Variants in MYO9B observed in about 807,000 individuals in gnomAD.
The protein encoded by MYO9B is myosin IXB.
In MYO9B, 71 loss-of-function variants were observed where a neutral mutation model predicts 229.5. The ratio of observed to expected loss-of-function variants is 0.31; its 90% CI spans 0.26 to 0.38. The LOEUF is 0.38. Ranked by LOEUF, MYO9B falls within the 10% of genes least tolerant of loss-of-function variation. The pLI is 1.00. For missense variants in MYO9B, 2,255 were observed against 2,920.5 expected (o/e 0.77, Z 5.25); for synonymous variants, 1,185 against 1,235.8 (o/e 0.96, Z 0.86).
At chr19:17,144,937 T>C (rs1164304732) in intron 2 of MYO9B, among the ~76,000 whole-genome samples, 1 of 132,204 alleles carries the variant, frequency 7.6e-6, no homozygotes. Context: ...GCCCCTGCAC[T>C]CCAGCCAAGG....
intron 2 of MYO9B, among the ~76,000 whole-genome samples, chr19:17,120,769 C>T (rs1440317499): frequency 6.6e-6 from 1 of 151,740 alleles, no homozygotes; most frequent in Non-Finnish European, 1.5e-5. Flanking sequence ...GGCGGCAGCT[C>T]TTGGAGTATA....
intron 1 of MYO9B, among the ~76,000 whole-genome samples, chr19:17,079,525 G>A (rs1305901324): frequency 1.3e-5 from 2 of 152,188 alleles, no homozygotes; most frequent in African/African-American, 4.8e-5. Flanking sequence ...TTTGGAGGTT[G>A]CCCCGGATAA....
chr19:17,154,184 G>T, intron 5 of MYO9B, 118 bp downstream of exon 5: 1 of 1,325,746 alleles, frequency 7.5e-7, no homozygotes, highest in Non-Finnish European at 1.1e-6. Context: ...CTCCCAGAAG[G>T]CAGCATTAAA....
In MYO9B at chr19:17,195,138, G is replaced by A. The variant is rs750242899; in HGVS notation, c.3711G>A (p.Thr1237=). 1.7e-5 allele frequency: 27 copies of A among 1,611,378 alleles called. No homozygotes were observed. The African/African-American group carries it at 2.1e-4, about 13-fold the overall frequency. Residue 1237 remains threonine, a synonymous_variant, in exon 22 of 40, where the codon ACG becomes ACA. Transcript: ENST00000682292. This position sits in a 1 kb window ranked among gnomAD's most constrained non-coding sequence, Gnocchi z 4.5. ...AGGTCTCTGAAGAAACTGAGAAGACGCTGCCCAGTGGGAGCCCCAGGCCTG... is the reference window on the plus strand; with the variant it reads ...AGGTCTCTGAAGAAACTGAGAAGACACTGCCCAGTGGGAGCCCCAGGCCTG... ...VGKVSEETEK[T]LPSGSPRPGQ...
chr19:17,105,986 CCCTCCCCTCT>C (rs2057789300), intron 2 of MYO9B, among the ~76,000 whole-genome samples: 1 of 150,740 alleles, frequency 6.6e-6, no homozygotes, highest in South Asian at 2.1e-4. Flanking sequence ...CCCTCCTCTC[CCCTCCCCTCT>C]CCTCGCCTCT....
At chr19:17,130,509 A>G (rs2072181577) in intron 2 of MYO9B, among the ~76,000 whole-genome samples, 1 of 151,420 alleles carries the variant, frequency 6.6e-6, no homozygotes, top group Admixed American at 6.6e-5. Context: ...AGTCCCAGCT[A>G]CTCGGGAGGC....
intron 1 of MYO9B, among the ~76,000 whole-genome samples, chr19:17,100,941 C>T (rs1341594542): frequency 6.6e-6 from 1 of 151,330 alleles, no homozygotes; most frequent in African/African-American, 2.4e-5. Flanking sequence ...TGCTGTGTGG[C>T]CAAGGCCTGT....
Position 17,102,516 on chromosome 19 carries a change from G to T in MYO9B, c.799G>T (p.Gly267Cys). The T allele has an allele frequency of 6.2e-7, 1 of 1,609,950 alleles. No homozygotes were observed. The highest frequency in any genetic ancestry group is 8.5e-7 in the Non-Finnish European group (1 of 1,178,062). ...TALSQKGYAS[G>C]VERTILGAGP... is the part of the protein sequence containing the mutation. ...CCTCAGCCAGAAGGGCTACGCCAGC[G>T]GCGTCGAGAGGACCATCCTGGGTGC... The change falls in exon 2 of 40, where the codon GGC becomes TGC. Residue 267 changes from glycine to cysteine, a missense_variant. Gly to Cys is a radical substitution (Grantham distance 159). Transcript: ENST00000682292.
At chr19:17,119,596 G>C (rs2057941391) in intron 2 of MYO9B, among the ~76,000 whole-genome samples, 1 of 152,208 alleles carries the variant, frequency 6.6e-6, no homozygotes, top group Non-Finnish European at 1.5e-5. Flanking sequence ...CACTTCAGGA[G>C]GCCGAGGCAG....
intron 10 of MYO9B, among the ~76,000 whole-genome samples, chr19:17,166,617 C>T (rs2072662651): frequency 6.6e-6 from 1 of 151,818 alleles, no homozygotes; most frequent in Non-Finnish European, 1.5e-5. Flanking sequence ...AAACCTAGTA[C>T]CCACTAGTTA....
intron 2 of MYO9B, among the ~76,000 whole-genome samples, chr19:17,135,084 C>A (rs919059608): frequency 1.3e-5 from 2 of 152,166 alleles, no homozygotes; most frequent in East Asian, 3.8e-4. Flanking sequence ...TCTGTTGATG[C>A]ACACGTCTTG....
rs770730753 is a variant in MYO9B, at chr19:17,212,037, G to A, written c.6201G>A (p.Thr2067=). 36 of 1,532,016 alleles carry A rather than the reference G, an allele frequency of 2.3e-5. No individual in the cohort carries two copies. In the East Asian group the frequency reaches 3.6e-4, roughly 16 times the overall value. The allele number at this position is 1,532,016 out of a possible 1,614,324, so 94.9% of individuals were successfully genotyped here. A position where few individuals can be genotyped will look rare whatever the true frequency, so the allele number is the denominator to read the frequency against. Residue 2067 remains threonine, a synonymous_variant, in exon 40 of 40, where the codon ACG becomes ACA. Coordinates refer to ENST00000682292, the MANE Select transcript of MYO9B (RefSeq NM_004145.4). The surrounding 1 kb of genome is among the most constrained non-coding windows in gnomAD (Gnocchi z 5.4). The part of the protein sequence containing the change: ...KTPRRTPIMP[T]ANIKLPPGLP... The stretch of plus-strand genomic sequence containing the variant: ...CCCGGCGGACCCCCATCATGCCCAC[G>A]GCCAACATCAAGCTCCCACCAGGCC...
chr19:17,099,222 C>G (rs898922079), intron 1 of MYO9B: 1 of 151,094 alleles, frequency 6.6e-6, no homozygotes, highest in African/African-American at 2.4e-5. Flanking sequence ...TTGCAGTGAG[C>G]CGAGATCCGC....
intron 2 of MYO9B, among the ~76,000 whole-genome samples, chr19:17,105,626 G>A (rs538752550): frequency 6.6e-6 from 1 of 152,128 alleles, no homozygotes; most frequent in African/African-American, 2.4e-5. Flanking sequence ...CCCCCTCAGT[G>A]GAGAGAGGGA....
intron 24 of MYO9B, 24 bp downstream of exon 24, chr19:17,198,332 C>G (rs371555078): frequency 6.2e-7 from 1 of 1,611,806 alleles, no homozygotes; most frequent in Non-Finnish European, 8.5e-7. Flanking sequence ...TTGGGGGAAA[C>G]TCAGGCCACC....
intron 10 of MYO9B, among the ~76,000 whole-genome samples, chr19:17,164,204 A>G (rs2072634996): frequency 6.6e-6 from 1 of 152,222 alleles, no homozygotes; most frequent in Non-Finnish European, 1.5e-5. Context: ...TTTCTCAGTC[A>G]AAAGGAAAAC....
chr19:17,209,827 G>C (rs1283411902), intron 36 of MYO9B, 118 bp downstream of exon 36: 2 of 1,331,296 alleles, frequency 1.5e-6, no homozygotes, highest in Non-Finnish European at 2.0e-6. Flanking sequence ...CTTGGTGGGC[G>C]GGGCCTTGGG....
intron 32 of MYO9B, 24 bp from the exon 33 acceptor site, chr19:17,206,224 A>G: frequency 1.3e-6 from 2 of 1,563,232 alleles, no homozygotes; most frequent in South Asian, 1.2e-5. Flanking sequence ...GCCGCTCACC[A>G]GACCCACCCC....
rs3745161 is a variant in MYO9B, at chr19:17,198,165, C to A, written c.4114-19C>A. 1.9e-6 allele frequency: 3 copies of A among 1,613,454 alleles called. No individual in the cohort carries two copies. In the Admixed American group the frequency reaches 5.0e-5, roughly 27 times the overall value. On this transcript the variant is annotated intron_variant, in intron 23 of 39. Coordinates refer to ENST00000682292, the MANE Select transcript of MYO9B (RefSeq NM_004145.4). ...CTGCCAGCCTTTCCTTAGCAGCCCC[C>A]CACTGCACCGTCTTGCAGCCTGCAG...
Sources: allele counts gnomAD v4.1 joint callset (sites outside exome capture counted in the v4.1 genomes callset), GRCh38; gene constraint gnomAD v4.1.1; non-coding constraint Gnocchi (gnomAD v3.1); transcripts MANE v1.5; gene names NCBI Gene and HGNC (gene_info 2026-07-23, HGNC 2026-07-21).